Variants in UBTF observed in about 807,000 individuals in gnomAD.
The protein encoded by UBTF is upstream binding transcription factor.
In UBTF, 8 loss-of-function variants were observed where a neutral mutation model predicts 112.3. The ratio of observed to expected loss-of-function variants is 0.07; its 90% CI spans 0.04 to 0.13. UBTF has a LOEUF of 0.13. Among genes scored for constraint, UBTF ranks in the 10% least tolerant of loss-of-function variants. The pLI is 1.00. For missense variants in UBTF, 457 were observed against 982.1 expected (o/e 0.47, Z 7.15); for synonymous variants, 417 against 373.1 (o/e 1.12, Z -1.36).
chr17:44,215,396 T>C (rs546650176), intron 5 of UBTF: 212 of 501,644 alleles, frequency 4.2e-4, no homozygotes, highest in African/African-American at 3.6e-3. Context: ...TGAAACAGAA[T>C]GCTGTGGGTT....
At position 44,205,123 on chromosome 17, in the gene UBTF, C is replaced by T. The variant is rs1371390377; in HGVS notation, c.*2119G>A. ...AGCATAGGCAGACACCTCTAAGCCA[C>T]TCCCTCCCACCTCCCATGATACAAA... On this transcript the variant is annotated 3_prime_UTR_variant, in exon 21 of 21. Coordinates refer to ENST00000436088, the MANE Select transcript of UBTF (RefSeq NM_014233.4). 6.6e-6 allele frequency: 1 copy of T among 152,634 alleles called. No homozygotes were observed. The highest frequency in any genetic ancestry group is 1.9e-4 in the East Asian group (1 of 5,192). The allele number at this position is 152,634 out of a possible 1,614,324, so 9.5% of individuals were successfully genotyped here.
At chr17:44,217,308 G>A (rs1389468195) in intron 2 of UBTF, among the ~76,000 whole-genome samples, 1 of 152,192 alleles carries the variant, frequency 6.6e-6, no homozygotes, top group East Asian at 1.9e-4. Flanking sequence ...AACAGAAGCA[G>A]AAGCAGGATA....
At chr17:44,220,569 C>A (rs1328552753), upstream of UBTF, among the ~76,000 whole-genome samples, 1 of 152,138 alleles carries the variant, frequency 6.6e-6, no homozygotes, top group Non-Finnish European at 1.5e-5. Flanking sequence ...GCTCTTTACA[C>A]CCCGGAAACG....
Position 44,206,919 on chromosome 17 carries a change from C to G in UBTF, c.*323G>C. ...CAAACTCTTTGGGACCCCCCACCCC[C>G]ACTCTCCGGTCCATTGTCCATGCCG... On this transcript the variant is annotated 3_prime_UTR_variant, in exon 21 of 21. Transcript: ENST00000436088. 2.3e-6 allele frequency: 1 copy of G among 435,454 alleles called. No individual in the cohort carries two copies. The highest frequency in any genetic ancestry group is 4.1e-6 in the Non-Finnish European group (1 of 246,828). The allele number at this position is 435,454 out of a possible 1,614,324, so 27.0% of individuals were successfully genotyped here.
intron 13 of UBTF, 120 bp from the exon 14 acceptor site, chr17:44,210,593 GCCTGGGGCTC>G (rs1441094543): frequency 2.1e-5 from 29 of 1,401,954 alleles, no homozygotes; most frequent in Non-Finnish European, 2.5e-5. Context: ...GATGTCTCCC[GCCTGGGGCTC>G]GCCCCCGCCT....
chr17:44,218,813 CCGGAG>C (rs902355785), intron 1 of UBTF, among the ~76,000 whole-genome samples: 3 of 150,680 alleles, frequency 2.0e-5, no homozygotes, highest in Non-Finnish European at 4.5e-5. Context: ...GCCGCCAGCC[CCGGAG>C]CGGAGCGGCC....
chr17:44,207,963 T>G (rs1457295548), intron 17 of UBTF, 52 bp from the exon 18 acceptor site: 1 of 1,611,942 alleles, frequency 6.2e-7, no homozygotes, highest in Non-Finnish European at 8.5e-7. Context: ...TACTGCTGAC[T>G]GAGCATGCTG....
At chr17:44,209,222 G>T in intron 17 of UBTF, 130 bp downstream of exon 17, 2 of 923,734 alleles carry the variant, frequency 2.2e-6, no homozygotes, top group Non-Finnish European at 3.2e-6. Context: ...TATCCTGAAG[G>T]ATTGCGAGGG....
chr17:44,217,206 T>C (rs1423016320), intron 2 of UBTF, among the ~76,000 whole-genome samples: 1 of 152,192 alleles, frequency 6.6e-6, no homozygotes, highest in African/African-American at 2.4e-5. Flanking sequence ...ATGTCTCTCC[T>C]GCACAGCTGG....
rs1476862694 is a variant in UBTF at position 44,215,606 on chromosome 17, C to T, written c.474+48G>A. 10 of 1,606,228 alleles carry T rather than the reference C, an allele frequency of 6.2e-6. No homozygotes were observed. The Admixed American group carries it at 1.3e-4, about 22-fold the overall frequency. The stretch of plus-strand genomic sequence containing the variant: ...CTCCAACTGACCCACACCACACCAG[C>T]TGCTCCCAGCCTCTCCCCTCCTCCC... On this transcript the variant is annotated intron_variant, in intron 5 of 20. Coordinates refer to ENST00000436088, the MANE Select transcript of UBTF (RefSeq NM_014233.4).
Position 44,207,142 on chromosome 17 carries a change from C to G in UBTF, c.*100G>C. On this transcript the variant is annotated 3_prime_UTR_variant, in exon 21 of 21. Coordinates refer to ENST00000436088, the MANE Select transcript of UBTF (RefSeq NM_014233.4). The stretch of plus-strand genomic sequence containing the variant: ...AAGAAAGAAAGAAAGTGGGGGAGGC[C>G]AGGGGGGCAAGGGACAGAACATGGG... 7.5e-7 allele frequency: 1 copy of G among 1,333,720 alleles called. No individual in the cohort carries two copies. 82.6% of individuals were successfully genotyped at this position (1,333,720 alleles called of 1,614,324 possible).
At chr17:44,218,102 G>A in intron 2 of UBTF, 70 bp downstream of exon 2, 5 of 1,491,530 alleles carry the variant, frequency 3.4e-6, no homozygotes, top group Non-Finnish European at 4.7e-6. Context: ...CCTTGAAGAA[G>A]GGAGTGAGCC....
Position 44,211,385 on chromosome 17 carries a change from CTGCAG to C in UBTF, c.1048-59_1048-55del. ...TCTGGAGACAGTGTCACCACAGACC[CTGCAG>C]TACTCGGAGGACAGTGACCTTCAGC... On this transcript the variant is annotated intron_variant, in intron 10 of 20. Coordinates refer to ENST00000436088, the MANE Select transcript of UBTF (RefSeq NM_014233.4). This position sits in a 1 kb window ranked among gnomAD's most constrained non-coding sequence, Gnocchi z 4.9. The C allele has an allele frequency of 6.2e-7, 1 of 1,609,260 alleles. No homozygotes were observed. Among genetic ancestry groups the C allele is most frequent in the Non-Finnish European group, 8.5e-7 (1 of 1,177,076 alleles).
chr17:44,211,613 C>T lies in UBTF; in HGVS notation c.1040G>A (p.Cys347Tyr). Residue 347 changes from cysteine (C) to tyrosine (Y), a missense_variant, in exon 10 of 21, where the codon TGT (cysteine) becomes TAT (tyrosine). Coordinates refer to ENST00000436088, the MANE Select transcript of UBTF (RefSeq NM_014233.4). The surrounding 1 kb of genome is among the most constrained non-coding windows in gnomAD (Gnocchi z 4.9). ...GCCCCTGCCACAGCTCACCTGATCA[C>T]ACTTCTTGTGATAGGCGTCCTTCTC... ...QKEKDAYHKK[C>Y]DQKKKDYEVE... 2 of 1,611,274 alleles carry T rather than the reference C, an allele frequency of 1.2e-6. No individual in the cohort carries two copies. Among genetic ancestry groups the T allele is most frequent in the Non-Finnish European group, 1.7e-6 (2 of 1,179,664 alleles).
In UBTF at chr17:44,212,852, G is replaced by A. The variant is rs766881272; in HGVS notation, c.627C>T (p.His209=). 35 of 1,613,988 alleles carry A rather than the reference G, an allele frequency of 2.2e-5. No homozygotes were observed. Among genetic ancestry groups the A allele is most frequent in the East Asian group, 6.7e-5 (3 of 44,886 alleles). Residue 209 remains histidine (H), a synonymous_variant, in exon 7 of 21, where the codon CAC becomes CAT. Transcript: ENST00000436088. The part of the protein sequence containing the change: ...PKTPQQLWYT[H]EKKVYLKVRP... The stretch of plus-strand genomic sequence containing the variant: ...GCACTTTGAGATACACCTTCTTCTC[G>A]TGGGTGTACCACAGCTGCTGGGGGG...
At chr17:44,210,753 GC>G in intron 13 of UBTF, 38 bp downstream of exon 13, 3 of 1,549,646 alleles carry the variant, frequency 1.9e-6, no homozygotes, top group Non-Finnish European at 2.6e-6. Flanking sequence ...GGCCCTGGCA[GC>G]CCCCCTGGGG....
intron 13 of UBTF, 34 bp from the exon 14 acceptor site, chr17:44,210,507 C>T: frequency 1.3e-6 from 2 of 1,551,324 alleles, no homozygotes; most frequent in Non-Finnish European, 1.7e-6. Context: ...GCCTTCCACC[C>T]ACCCCCAGGG....
chr17:44,217,187 T>G (rs976573459), intron 2 of UBTF, among the ~76,000 whole-genome samples: 1 of 152,010 alleles, frequency 6.6e-6, no homozygotes, highest in East Asian at 1.9e-4. Context: ...GTAAGGAAAA[T>G]CCATGCAGAT....
chr17:44,207,717 A>C lies in UBTF; in HGVS notation c.2007T>G (p.Thr669=), dbSNP rs2056350000. The C allele has an allele frequency of 1.1e-5, 18 of 1,614,184 alleles. No individual in the cohort carries two copies. The highest frequency in any genetic ancestry group is 2.7e-5 in the African/African-American group (2 of 75,036). ...TCCTTACCGACTTGGACTGCAGAGT[A>C]GTCCGGCTGGATTTGGGGTTTGGGC... ...LRGPNPKSSR[T]TLQSKSESEE... is the part of the protein sequence containing the mutation. The change falls in exon 19 of 21, where the codon ACT becomes ACG. Residue 669 remains threonine, a synonymous_variant. Transcript: ENST00000436088.
Sources: allele counts gnomAD v4.1 joint callset (sites outside exome capture counted in the v4.1 genomes callset), GRCh38; gene constraint gnomAD v4.1.1; non-coding constraint Gnocchi (gnomAD v3.1); transcripts MANE v1.5; gene names NCBI Gene and HGNC (gene_info 2026-07-23, HGNC 2026-07-21).